CADPS: variants seen among roughly 807,000 people sequenced by gnomAD.
CADPS encodes calcium dependent secretion activator, also known as calcium-dependent secretion activator 1.
In CADPS, 57 loss-of-function variants were observed where a neutral mutation model predicts 167.3. The observed-to-expected ratio is 0.34, with a 90% CI of 0.28 to 0.42. The LOEUF (loss-of-function observed/expected upper bound fraction) is 0.42. CADPS is among the 20% of genes least tolerant of loss of function. CADPS has a pLI of 1.00. For synonymous variants in CADPS, 676 were observed against 635.3 expected (o/e 1.06, Z -0.96); for missense variants, 1,414 against 1,738.1 (o/e 0.81, Z 3.32).
intron 1 of CADPS, among the ~76,000 whole-genome samples, chr3:62,813,595 A>C (rs2094482198): frequency 1.3e-5 from 2 of 152,152 alleles, no homozygotes; most frequent in Admixed American, 1.3e-4. Flanking sequence ...ACTTGCTACA[A>C]GAAAAAAAAA....
intron 1 of CADPS, among the ~76,000 whole-genome samples, chr3:62,847,226 C>T (rs535449909): frequency 4.0e-5 from 6 of 150,642 alleles, no homozygotes; most frequent in African/African-American, 1.5e-4. Context: ...TGTTCTTACC[C>T]GCCACCTCCA....
Position 62,645,804 on chromosome 3 carries a change from GAGC to G in CADPS, c.1240_1242del (p.Ala414del). On this transcript the variant is annotated inframe_deletion, in exon 6 of 30. Coordinates refer to ENST00000383710, the MANE Select transcript of CADPS (RefSeq NM_003716.4). Reference sequence around the variant, plus strand: ...ATTGTGCAATATACGATGCGATTTGGAGCCAAAGATTTGAGGCCTTGGACTTCC... The same window carrying G: ...ATTGTGCAATATACGATGCGATTTGGCAAAGATTTGAGGCCTTGGACTTCC... 6.2e-7 allele frequency: 1 copy of G among 1,614,036 alleles called. No homozygotes were observed. The highest frequency in any genetic ancestry group is 8.5e-7 in the Non-Finnish European group (1 of 1,179,948).
At chr3:62,635,597 G>T (rs2149801483) in intron 6 of CADPS, among the ~76,000 whole-genome samples, 1 of 150,030 alleles carries the variant, frequency 6.7e-6, no homozygotes, top group South Asian at 2.1e-4. Context: ...CAGTGATTTG[G>T]TGTCAAGCAC....
intron 6 of CADPS, among the ~76,000 whole-genome samples, chr3:62,603,520 C>A (rs915472186): frequency 2.0e-5 from 3 of 152,172 alleles, no homozygotes; most frequent in African/African-American, 4.8e-5. Context: ...AGAAGACCTG[C>A]ATCTCAGTGC....
At chr3:62,760,239 A>G (rs532383718) in intron 2 of CADPS, among the ~76,000 whole-genome samples, 38 of 152,164 alleles carry the variant, frequency 2.5e-4, no homozygotes, top group African/African-American at 9.2e-4. Context: ...TTAATAATGG[A>G]ACTGTCCAGG....
At chr3:62,824,585 C>T (rs1321298115) in intron 1 of CADPS, among the ~76,000 whole-genome samples, 1 of 151,986 alleles carries the variant, frequency 6.6e-6, no homozygotes, top group African/African-American at 2.4e-5. Context: ...TCCACCCTTA[C>T]AAAAACAAAA....
At chr3:62,767,572 G>C (rs936405494) in intron 1 of CADPS, among the ~76,000 whole-genome samples, 9 of 152,206 alleles carry the variant, frequency 5.9e-5, no homozygotes, top group Non-Finnish European at 1.3e-4. Flanking sequence ...CATGAGTTTT[G>C]ACTCAGTCAA....
intron 1 of CADPS, among the ~76,000 whole-genome samples, chr3:62,782,039 C>G (rs1028282587): frequency 6.6e-6 from 1 of 152,152 alleles, no homozygotes; most frequent in Non-Finnish European, 1.5e-5. Context: ...CAGTTGACAT[C>G]TGCTCTCCTG....
Position 62,565,293 on chromosome 3 carries a change from G to A in CADPS, c.1644+5579C>T, listed in dbSNP as rs368855804. ...TGGAATTTCAAGGAAGATGGCGAGA[G>A]GAGGCTTTATTGTGCCATTTGAATA... On this transcript the variant is annotated intron_variant, in intron 9 of 29. Transcript: ENST00000383710. 7.6e-4 allele frequency among the ~76,000 whole-genome samples: 115 copies of A among 152,306 alleles called. 2 individuals are homozygous for A. Among genetic ancestry groups the A allele is most frequent in the African/African-American group, 2.6e-3 (110 of 41,574 alleles).
chr3:62,425,671 C>A (rs949597313), intron 28 of CADPS, among the ~76,000 whole-genome samples: 1 of 152,186 alleles, frequency 6.6e-6, no homozygotes, highest in African/African-American at 2.4e-5. Flanking sequence ...AAGCAGGTAC[C>A]TACATGCCTA....
intron 1 of CADPS, among the ~76,000 whole-genome samples, chr3:62,819,616 G>A (rs532175382): frequency 1.2e-4 from 19 of 152,090 alleles, no homozygotes; most frequent in Non-Finnish European, 2.5e-4. Context: ...CATGGCAGAT[G>A]GTTTATGCTA....
chr3:62,703,081 T>A (rs975717640), intron 3 of CADPS, among the ~76,000 whole-genome samples: 1 of 152,104 alleles, frequency 6.6e-6, no homozygotes, highest in African/African-American at 2.4e-5. Flanking sequence ...CATAAGCATC[T>A]TTTTACAGAT....
intron 3 of CADPS, among the ~76,000 whole-genome samples, chr3:62,681,877 G>C (rs572570256): frequency 1.3e-5 from 2 of 152,134 alleles, no homozygotes; most frequent in East Asian, 1.9e-4. Context: ...GAAAATAAAG[G>C]GTGCTGGGTG....
Position 62,765,865 on chromosome 3 carries a change from T to G in CADPS, c.555+6A>C, listed in dbSNP as rs1297355751. The G allele has an allele frequency of 6.3e-7, 1 of 1,590,262 alleles. No homozygotes were observed. Among genetic ancestry groups the G allele is most frequent in the Non-Finnish European group, 8.6e-7 (1 of 1,158,972 alleles). On this transcript the variant is annotated splice_donor_region_variant and intron_variant, in intron 2 of 29. Transcript: ENST00000383710. The stretch of plus-strand genomic sequence containing the variant: ...TCTTGGCATTCTTCTGAACAGTGAT[T>G]CTCACCTCATAGTAACTCTGCACAG...
rs2084326454 is a variant in CADPS, at chr3:62,585,192, G to T, written c.1570C>A (p.His524Asn). 3 of 1,613,646 alleles carry T rather than the reference G, an allele frequency of 1.9e-6. No individual in the cohort carries two copies. The highest frequency in any genetic ancestry group is 2.5e-6 in the Non-Finnish European group (3 of 1,179,594). Residue 524 changes from histidine (H) to asparagine (N), a missense_variant, in exon 8 of 30, where the codon CAT (histidine) becomes AAT (asparagine). Around this residue, in one of 6 missense-constraint regions of CADPS, gnomAD observed 157 missense variants for 229.4 expected, o/e 0.68. Coordinates refer to ENST00000383710, the MANE Select transcript of CADPS (RefSeq NM_003716.4). ...VRMDKPQNMKHSGYLWAIGKN... is the reference protein window; with the variant it reads ...VRMDKPQNMKNSGYLWAIGKN... ...TGGGGAAGAAACACTTACCCAGAAT[G>T]CTTCATGTTTTGAGGCTTATCCATT...
rs570698667 is a variant in CADPS, at chr3:62,861,103, T to C, written c.441+13486A>G. ...CCTGGGTTTATTGTGGGGTTTATGC[T>C]TTCTTGGGGCTAAATTAAACTCCAT... is the stretch of plus-strand genomic sequence containing the variant. On this transcript the variant is annotated intron_variant, in intron 1 of 29. Coordinates refer to ENST00000383710, the MANE Select transcript of CADPS (RefSeq NM_003716.4). 8.5e-5 allele frequency among the ~76,000 whole-genome samples: 13 copies of C among 152,312 alleles called. No individual in the cohort carries two copies. The South Asian group carries it at 2.7e-3, about 32-fold the overall frequency.
intron 4 of CADPS, among the ~76,000 whole-genome samples, chr3:62,652,535 T>C (rs549549361): frequency 4.6e-5 from 7 of 152,180 alleles, no homozygotes; most frequent in African/African-American, 7.2e-5. Flanking sequence ...CTGAGAGACA[T>C]TGAGACTGCA....
chr3:62,596,185 G>A lies in CADPS; in HGVS notation c.1326-3437C>T, dbSNP rs116223794. Among the ~76,000 whole-genome samples, 1,273 of 134,682 alleles carry A rather than the reference G, an allele frequency of 9.5e-3. 27 individuals carry two copies. The highest frequency in any genetic ancestry group is 0.033 in the African/African-American group (1,182 of 35,872). 88.4% of individuals were successfully genotyped at this position (134,682 alleles called of 152,430 possible). A position where few individuals can be genotyped will look rare whatever the true frequency, so the allele number is the denominator to read the frequency against. ...TCCCTCTGGAGAACCCTAATACAATGGGGTACAGAGTGCTATTTTTTTTTT... is the reference window on the plus strand; with the variant it reads ...TCCCTCTGGAGAACCCTAATACAATAGGGTACAGAGTGCTATTTTTTTTTT... On this transcript the variant is annotated intron_variant, in intron 6 of 29. Transcript: ENST00000383710.
intron 17 of CADPS, among the ~76,000 whole-genome samples, chr3:62,506,144 C>A (rs956734765): frequency 6.6e-6 from 1 of 152,182 alleles, no homozygotes; most frequent in Non-Finnish European, 1.5e-5. Flanking sequence ...AATCCCGGCA[C>A]TTTGGGAGGC....
Sources: gnomAD v4.1 joint callset for allele counts (sites outside exome capture counted in the v4.1 genomes callset) on GRCh38, gnomAD v4.1.1 for gene constraint, gnomAD v4.1.1 regional missense constraint, MANE v1.5 for transcripts, NCBI Gene and HGNC (gene_info 2026-07-23, HGNC 2026-07-21) for gene names.